Variants in FAM193A observed in about 807,000 individuals in gnomAD.
FAM193A encodes protein FAM193A.
A neutral mutation model predicts 126.5 loss-of-function variants in FAM193A; 22 were observed. The observed-to-expected ratio is 0.17, with a 90% CI of 0.12 to 0.25. FAM193A has a LOEUF of 0.25. Among genes scored for constraint, FAM193A ranks in the 10% least tolerant of loss-of-function variants. The pLI is 1.00. For synonymous variants in FAM193A, 761 were observed against 646.8 expected (o/e 1.18, Z -2.68); for missense variants, 1,675 against 1,672.8 (o/e 1.00, Z -0.02).
intron 5 of FAM193A, among the ~76,000 whole-genome samples, chr4:2,634,600 A>C (rs367987855): frequency 1.3e-5 from 2 of 152,264 alleles, no homozygotes; most frequent in East Asian, 1.9e-4. Flanking sequence ...AATACTCTAA[A>C]GAATGATAAT....
At chr4:2,558,082 G>A (rs1738372503) in intron 1 of FAM193A, among the ~76,000 whole-genome samples, 1 of 152,090 alleles carries the variant, frequency 6.6e-6, no homozygotes, top group South Asian at 2.1e-4. Context: ...AGACCAGTCT[G>A]GCCAACACGG....
rs1168474437 is a variant in FAM193A, at chr4:2,598,801, C to T, written c.501+2472C>T. Reference sequence around the variant, plus strand: ...GGCTGTCTCTAGCACTGTGCGTGCTCGTGTGGGCCTGTAGAGGGGAGTCTC... The same window carrying T: ...GGCTGTCTCTAGCACTGTGCGTGCTTGTGTGGGCCTGTAGAGGGGAGTCTC... On this transcript the variant is annotated intron_variant, in intron 2 of 20. Transcript: ENST00000637812. 2.6e-5 allele frequency among the ~76,000 whole-genome samples: 4 copies of T among 152,176 alleles called. No homozygotes were observed. The East Asian group carries it at 5.8e-4, about 22-fold the overall frequency.
chr4:2,687,984 C>G (rs1439212614), intron 13 of FAM193A, among the ~76,000 whole-genome samples: 1 of 152,190 alleles, frequency 6.6e-6, no homozygotes, highest in African/African-American at 2.4e-5. Context: ...GAACCATCGC[C>G]CATTCTTAAG....
intron 6 of FAM193A, among the ~76,000 whole-genome samples, chr4:2,643,263 C>A (rs543871335): frequency 9.2e-5 from 14 of 152,256 alleles, no homozygotes; most frequent in African/African-American, 3.1e-4. Flanking sequence ...TGTACAGATA[C>A]GCATTTAACA....
chr4:2,642,913 T>A (rs1458643170), intron 6 of FAM193A, among the ~76,000 whole-genome samples: 1 of 151,920 alleles, frequency 6.6e-6, no homozygotes, highest in East Asian at 1.9e-4. Context: ...TTTTTTGTAT[T>A]TTTAGTAGAG....
At chr4:2,719,366 C>G (rs1330577428) in intron 20 of FAM193A, among the ~76,000 whole-genome samples, 10 of 152,052 alleles carry the variant, frequency 6.6e-5, no homozygotes, top group Admixed American at 3.3e-4. Flanking sequence ...AACAATATAC[C>G]AAATCGAGCA....
intron 5 of FAM193A, among the ~76,000 whole-genome samples, chr4:2,636,591 T>C (rs937425581): frequency 2.6e-5 from 4 of 152,202 alleles, no homozygotes; most frequent in African/African-American, 7.2e-5. Flanking sequence ...TTGCAAATAT[T>C]GATTCACTGA....
chr4:2,663,692 C>T (rs935759818), intron 12 of FAM193A, among the ~76,000 whole-genome samples: 2 of 152,104 alleles, frequency 1.3e-5, no homozygotes, highest in African/African-American at 2.4e-5. Flanking sequence ...TTTGGCCGGG[C>T]GCAGTGGCTC....
intron 13 of FAM193A, among the ~76,000 whole-genome samples, chr4:2,677,301 G>C (rs1714523112): frequency 6.6e-6 from 1 of 152,102 alleles, no homozygotes; most frequent in Non-Finnish European, 1.5e-5. Flanking sequence ...TGTTCCATTG[G>C]TCTGTATGTC....
intron 20 of FAM193A, among the ~76,000 whole-genome samples, chr4:2,723,955 C>T (rs1720450120): frequency 6.6e-6 from 1 of 152,144 alleles, no homozygotes; most frequent in South Asian, 2.1e-4. Flanking sequence ...CGTGCTCCAC[C>T]ACCCGCTGCC....
chr4:2,634,451 G>GC (rs1464012571), intron 5 of FAM193A, among the ~76,000 whole-genome samples: 1 of 152,180 alleles, frequency 6.6e-6, no homozygotes, highest in African/African-American at 2.4e-5. Context: ...GTTCATGACA[G>GC]CACAGTTAAA....
chr4:2,542,919 G>A (rs1215828007), intron 1 of FAM193A, among the ~76,000 whole-genome samples: 1 of 152,156 alleles, frequency 6.6e-6, no homozygotes, highest in Admixed American at 6.6e-5. Context: ...GTTTCTGCAT[G>A]TGGGTAGCTT....
chr4:2,565,399 A>G (rs1738881676), intron 1 of FAM193A, among the ~76,000 whole-genome samples: 1 of 151,816 alleles, frequency 6.6e-6, no homozygotes, highest in African/African-American at 2.4e-5. Context: ...AGCTGGGACT[A>G]CAGGCGTCCA....
chr4:2,592,991 T>G (rs1408162873), intron 1 of FAM193A, among the ~76,000 whole-genome samples: 1 of 152,102 alleles, frequency 6.6e-6, no homozygotes, highest in Non-Finnish European at 1.5e-5. Context: ...TTGCCTCAGT[T>G]GTGGGTAAGA....
intron 18 of FAM193A, 66 bp downstream of exon 18, chr4:2,696,659 C>A: frequency 7.8e-7 from 1 of 1,281,694 alleles, no homozygotes; most frequent in Non-Finnish European, 1.1e-6. Flanking sequence ...CCGTGCCACG[C>A]CAGTCTCTAG....
intron 20 of FAM193A, among the ~76,000 whole-genome samples, chr4:2,719,381 A>C (rs1387225929): frequency 6.6e-6 from 1 of 152,192 alleles, no homozygotes; most frequent in Non-Finnish European, 1.5e-5. Context: ...CGAGCAGTGT[A>C]TTTTAAAAAG....
chr4:2,647,374 G>A (rs1295978682), intron 7 of FAM193A, among the ~76,000 whole-genome samples: 9 of 152,098 alleles, frequency 5.9e-5, no homozygotes, highest in African/African-American at 1.4e-4. Context: ...TCGAACTCCC[G>A]ACCTCAGGTG....
At chr4:2,579,832 A>C (rs1314372474) in intron 1 of FAM193A, among the ~76,000 whole-genome samples, 3 of 152,206 alleles carry the variant, frequency 2.0e-5, no homozygotes, top group African/African-American at 7.2e-5. Flanking sequence ...TGTTGGTGCG[A>C]GTGTAAATTA....
intron 7 of FAM193A, among the ~76,000 whole-genome samples, chr4:2,649,227 A>G (rs1428500158): frequency 1.3e-5 from 2 of 151,572 alleles, no homozygotes; most frequent in Non-Finnish European, 2.9e-5. Context: ...TTAAAAAATT[A>G]GCCAGGCTGG....
Sources: gnomAD v4.1 joint callset for allele counts (sites outside exome capture counted in the v4.1 genomes callset) on GRCh38, gnomAD v4.1.1 for gene constraint, MANE v1.5 for transcripts, NCBI Gene and HGNC (gene_info 2026-07-23, HGNC 2026-07-21) for gene names.